ICAM5: variants seen among roughly 807,000 people sequenced by gnomAD.
ICAM5 encodes the protein ICAM-5.
A neutral mutation model predicts 78.8 loss-of-function variants in ICAM5; 38 were observed. The ratio of observed to expected loss-of-function variants is 0.48; its 90% CI spans 0.37 to 0.63. The LOEUF is 0.63. Ranked by LOEUF, ICAM5 falls within the 30% of genes least tolerant of loss-of-function variation. ICAM5 has a pLI of 0.00. For synonymous variants in ICAM5, 544 were observed against 590.9 expected, an observed-to-expected ratio of 0.92 and a Z score of 1.15; for missense variants, 1,059 against 1,303.0, an observed-to-expected ratio of 0.81 and a Z score of 2.88.
chr19:10,292,887 C>T (rs769725861), intron 5 of ICAM5, 21 bp downstream of exon 5: 4 of 1,607,084 alleles, frequency 2.5e-6, no homozygotes, highest in Middle Eastern at 1.7e-4. Flanking sequence ...GATAACCCCT[C>T]GCCCCCCACC....
At position 10,293,833 on chromosome 19, in the gene ICAM5, C is replaced by T; in HGVS notation, c.1601C>T (p.Ala534Val). The T allele has an allele frequency of 1.9e-6, 3 of 1,613,048 alleles. No individual in the cohort carries two copies. The highest frequency in any genetic ancestry group is 2.5e-6 in the Non-Finnish European group (3 of 1,180,000). ...TGCGTGCGCTCTGGAGAACTCGGGG[C>T]CGTCATCGAGGGGCTGTTGCGTGTG... The part of the protein sequence containing the change: ...VICVRSGELG[A>V]VIEGLLRVAR... The change falls in exon 7 of 11, where the codon GCC becomes GTC. Residue 534 changes from alanine to valine, a missense_variant. By Grantham distance (64) the Ala-to-Val change is moderately conservative. Around this residue, in one of 3 missense-constraint regions of ICAM5, gnomAD observed 815 missense variants for 952.8 expected, o/e 0.86. Transcript: ENST00000221980. The surrounding 1 kb of genome is among the most constrained non-coding windows in gnomAD (Gnocchi z 5.0).
In ICAM5 at chr19:10,294,224, C is replaced by G; in HGVS notation, c.1896C>G (p.Pro632=). The G allele has an allele frequency of 1.2e-6, 2 of 1,614,044 alleles. No individual in the cohort carries two copies. Among genetic ancestry groups the G allele is most frequent in the Non-Finnish European group, 1.7e-6 (2 of 1,180,020 alleles). The change falls in exon 8 of 11, where the codon CCC becomes CCG. Residue 632 remains proline (P), a synonymous_variant. Transcript: ENST00000221980. This position sits in a 1 kb window ranked among gnomAD's most constrained non-coding sequence, Gnocchi z 7.7. ...LAPPDPSPRA[P]RIPRVLAPGI... Reference sequence around the variant, plus strand: ...CCCCAGACCCTAGTCCCAGAGCTCCCAGAATCCCTAGAGTCCTGGCACCCG... The same window carrying G: ...CCCCAGACCCTAGTCCCAGAGCTCCGAGAATCCCTAGAGTCCTGGCACCCG...
rs1401007629 is a variant in ICAM5 at position 10,290,888 on chromosome 19, G to A, written c.83-184G>A. The A allele has an allele frequency of 7.0e-6, 5 of 718,906 alleles. No individual in the cohort carries two copies. Among genetic ancestry groups the A allele is most frequent in the Non-Finnish European group, 1.1e-5 (5 of 445,078 alleles). The allele number at this position is 718,906 out of a possible 1,614,324, so 44.5% of individuals were successfully genotyped here. Reference sequence around the variant, plus strand: ...ACCACGTCCCAGAGACACCCTCGAGGTTTAGACTCTGGGAGTGCGCCTTTA... The same window carrying A: ...ACCACGTCCCAGAGACACCCTCGAGATTTAGACTCTGGGAGTGCGCCTTTA... On this transcript the variant is annotated intron_variant, in intron 1 of 10. Coordinates refer to ENST00000221980, the MANE Select transcript of ICAM5 (RefSeq NM_003259.4). This position sits in a 1 kb window ranked among gnomAD's most constrained non-coding sequence, Gnocchi z 5.7.
In ICAM5 at chr19:10,294,918, G is replaced by A. The variant is rs547305295; in HGVS notation, c.2230+278G>A. On this transcript the variant is annotated intron_variant, in intron 9 of 10. Coordinates refer to ENST00000221980, the MANE Select transcript of ICAM5 (RefSeq NM_003259.4). The surrounding 1 kb of genome is among the most constrained non-coding windows in gnomAD (Gnocchi z 7.7). ...CCGTCTCTACAAAAATTAGCCGGTCGTGGTGGTGGGCGCCTGTGGTCCCAG... is the reference window on the plus strand; with the variant it reads ...CCGTCTCTACAAAAATTAGCCGGTCATGGTGGTGGGCGCCTGTGGTCCCAG... 1.1e-3 allele frequency among the ~76,000 whole-genome samples: 169 copies of A among 152,212 alleles called. No individual in the cohort carries two copies. Among genetic ancestry groups the A allele is most frequent in the Non-Finnish European group, 2.1e-3 (144 of 68,012 alleles).
rs2040184846 is a variant in ICAM5 at position 10,292,725 on chromosome 19, G to A, written c.1075G>A (p.Ala359Thr). 6.8e-6 allele frequency: 11 copies of A among 1,613,412 alleles called. No individual in the cohort carries two copies. Among genetic ancestry groups the A allele is most frequent in the Non-Finnish European group, 9.3e-6 (11 of 1,179,968 alleles). Residue 359 changes from alanine to threonine, a missense_variant, in exon 5 of 11, where the codon GCC (alanine) becomes ACC (threonine). By Grantham distance (58) the Ala-to-Thr change is moderately conservative. Around this residue, in one of 3 missense-constraint regions of ICAM5, gnomAD observed 815 missense variants for 952.8 expected, o/e 0.86. Transcript: ENST00000221980. ...QALVTLEGVP[A>T]AVPGQPAQLQ... The stretch of plus-strand genomic sequence containing the variant: ...TCTGGTCACACTGGAGGGAGTTCCA[G>A]CCGCGGTCCCGGGGCAGCCCGCCCA...
chr19:10,296,215 C>T (rs753982773), intron 10 of ICAM5, 124 bp from the exon 11 acceptor site: 1 of 1,000,946 alleles, frequency 1.0e-6, no homozygotes, highest in Non-Finnish European at 1.3e-6. Flanking sequence ...TCTCCCTTCT[C>T]CCAAGGCCAG....
chr19:10,291,978 T>A, intron 3 of ICAM5, 57 bp from the exon 4 acceptor site: 1 of 1,556,030 alleles, frequency 6.4e-7, no homozygotes, highest in Non-Finnish European at 8.8e-7. Context: ...GCATGTCAAG[T>A]GCTTAGGACA....
Position 10,291,568 on chromosome 19 carries a change from C to T in ICAM5, c.432C>T (p.Val144=). Residue 144 remains valine, a synonymous_variant, in exon 3 of 11, where the codon GTC becomes GTT. Transcript: ENST00000221980. The part of the protein sequence containing the change: ...VGENFTLSCR[V]PGAGPRASLT... ...AGAACTTCACCCTGAGCTGTAGGGTCCCCGGCGCCGGGCCCCGTGCGAGCC... is the reference window on the plus strand; with the variant it reads ...AGAACTTCACCCTGAGCTGTAGGGTTCCCGGCGCCGGGCCCCGTGCGAGCC... The T allele has an allele frequency of 1.2e-6, 2 of 1,612,486 alleles. No individual in the cohort carries two copies. Among genetic ancestry groups the T allele is most frequent in the South Asian group, 2.2e-5 (2 of 91,084 alleles).
rs1031417226 is a variant in ICAM5, at chr19:10,293,382, G to A, written c.1465+136G>A. 5.7e-6 allele frequency: 7 copies of A among 1,235,974 alleles called. No homozygotes were observed. The highest frequency in any genetic ancestry group is 3.0e-5 in the African/African-American group (2 of 66,422). 76.6% of individuals were successfully genotyped at this position (1,235,974 alleles called of 1,614,324 possible). ...TGGGAAAGGGAAGAGGCTGGTTAGT[G>A]GGGTTGGAGAAAGATCTTGGAGGAT... On this transcript the variant is annotated intron_variant, in intron 6 of 10. Transcript: ENST00000221980. This position sits in a 1 kb window ranked among gnomAD's most constrained non-coding sequence, Gnocchi z 5.0.
intron 10 of ICAM5, 22 bp from the exon 11 acceptor site, chr19:10,296,317 C>T (rs1488825850): frequency 8.1e-7 from 1 of 1,229,532 alleles, no homozygotes; most frequent in Middle Eastern, 3.2e-4. Context: ...GGCCACCCTC[C>T]GCGAGGGTCT....
chr19:10,295,010 T>C (rs1025925597), intron 9 of ICAM5, among the ~76,000 whole-genome samples: 1 of 151,920 alleles, frequency 6.6e-6, no homozygotes, highest in African/African-American at 2.4e-5. Flanking sequence ...GGAGCCGAGA[T>C]CCCGCCACTG....
In ICAM5 at chr19:10,292,154, G is replaced by A. The variant is rs1334321526; in HGVS notation, c.793G>A (p.Ala265Thr). The A allele has an allele frequency of 1.2e-6, 2 of 1,613,250 alleles. No homozygotes were observed. Among genetic ancestry groups the A allele is most frequent in the Admixed American group, 3.3e-5 (2 of 60,004 alleles). ...AGCCTCAGAGGCCAGGGTCTACCTC[G>A]CACTGGGGGACCAGAATCTGAGTCC... The part of the protein sequence containing the change: ...FPASEARVYL[A>T]LGDQNLSPDV... Residue 265 changes from alanine to threonine, a missense_variant, in exon 4 of 11, where the codon GCA becomes ACA. By Grantham distance (58) the Ala-to-Thr change is moderately conservative. Around this residue, in one of 3 missense-constraint regions of ICAM5, gnomAD observed 815 missense variants for 952.8 expected, o/e 0.86. Coordinates refer to ENST00000221980, the MANE Select transcript of ICAM5 (RefSeq NM_003259.4).
rs773768844 is a variant in ICAM5, at chr19:10,294,662, T to A, written c.2230+22T>A. The A allele has an allele frequency of 2.5e-6, 4 of 1,612,108 alleles. No individual in the cohort carries two copies. Among genetic ancestry groups the A allele is most frequent in the South Asian group, 1.1e-5 (1 of 91,044 alleles). On this transcript the variant is annotated intron_variant, in intron 9 of 10. Coordinates refer to ENST00000221980, the MANE Select transcript of ICAM5 (RefSeq NM_003259.4). This position sits in a 1 kb window ranked among gnomAD's most constrained non-coding sequence, Gnocchi z 7.7. ...GAATGTGAGTGGGGGCAGCACCGGA[T>A]GGAGGGGACACGGTCCTCGGAAGAA...
At position 10,295,485 on chromosome 19, in the gene ICAM5, C is replaced by T; in HGVS notation, c.2370C>T (p.Ile790=). The change falls in exon 10 of 11, where the codon ATC becomes ATT. Residue 790 remains isoleucine, a synonymous_variant. Transcript: ENST00000221980. ...GCGCGCCCCCGGGGGCCCTCAACAT[C>T]GGCCTGTCGAGCAACAACAGCACAC... ...SWRAPPGALN[I]GLSSNNSTLS... 1 of 1,576,078 alleles carries T rather than the reference C, an allele frequency of 6.3e-7. No individual in the cohort carries two copies. Among genetic ancestry groups the T allele is most frequent in the Non-Finnish European group, 8.6e-7 (1 of 1,163,146 alleles).
Position 10,294,328 on chromosome 19 carries a change from G to GC in ICAM5, c.1990+13dup. The GC allele has an allele frequency of 6.2e-7, 1 of 1,612,204 alleles. No homozygotes were observed. Among genetic ancestry groups the GC allele is most frequent in the Non-Finnish European group, 8.5e-7 (1 of 1,179,246 alleles). Reference sequence around the variant, plus strand: ...GTCGTGAGCGCGGAGTGTGAGCGAGGCCCAGGCGGGTAGGGAGCAGGGGTG... The same window carrying GC: ...GTCGTGAGCGCGGAGTGTGAGCGAGGCCCCAGGCGGGTAGGGAGCAGGGGTG... On this transcript the variant is annotated intron_variant, in intron 8 of 10. Coordinates refer to ENST00000221980, the MANE Select transcript of ICAM5 (RefSeq NM_003259.4). The surrounding 1 kb of genome is among the most constrained non-coding windows in gnomAD (Gnocchi z 7.7).
Position 10,294,306 on chromosome 19 carries a change from G to A in ICAM5, c.1978G>A (p.Val660Met). The part of the protein sequence containing the change: ...RHGSVAKTVV[V>M]SAESPPEMDE... ...CGGCTCCGTGGCCAAAACAGTCGTCGTGAGCGCGGAGTGTGAGCGAGGCCC... is the reference window on the plus strand; with the variant it reads ...CGGCTCCGTGGCCAAAACAGTCGTCATGAGCGCGGAGTGTGAGCGAGGCCC... Residue 660 changes from valine to methionine, a missense_variant, in exon 8 of 11, where the codon GTG becomes ATG. Val to Met is a conservative substitution (Grantham distance 21). Coordinates refer to ENST00000221980, the MANE Select transcript of ICAM5 (RefSeq NM_003259.4). The surrounding 1 kb of genome is among the most constrained non-coding windows in gnomAD (Gnocchi z 7.7). 6.2e-7 allele frequency: 1 copy of A among 1,613,036 alleles called. No individual in the cohort carries two copies.
intron 9 of ICAM5, among the ~76,000 whole-genome samples, 157 bp from the exon 10 acceptor site, chr19:10,295,189 C>T (rs10402760): frequency 0.11 from 16,982 of 152,166 alleles, 1,398 homozygotes; most frequent in African/African-American, 0.23. Context: ...GCAACAGCAG[C>T]CTGATTGTCG....
chr19:10,296,596 A>C lies in ICAM5; in HGVS notation c.2755A>C (p.Ile919Leu). 1 of 1,214,652 alleles carries C rather than the reference A, an allele frequency of 8.2e-7. No individual in the cohort carries two copies. Among genetic ancestry groups the C allele is most frequent in the Non-Finnish European group, 1.0e-6 (1 of 971,126 alleles). 75.2% of individuals were successfully genotyped at this position (1,214,652 alleles called of 1,614,324 possible). A position where few individuals can be genotyped will look rare whatever the true frequency, so the allele number is the denominator to read the frequency against. ...ESPAEGEVFA[I>L]QLTSA ...GCCGGCGGAGGGCGAGGTCTTCGCC[A>C]TACAGCTGACATCGGCGTGAGCCCG... Residue 919 changes from isoleucine to leucine, a missense_variant, in exon 11 of 11, where the codon ATA becomes CTA. Around this residue, in one of 3 missense-constraint regions of ICAM5, gnomAD observed 109 missense variants for 120.0 expected, o/e 0.91. Coordinates refer to ENST00000221980, the MANE Select transcript of ICAM5 (RefSeq NM_003259.4).
At position 10,290,878 on chromosome 19, in the gene ICAM5, C is replaced by A; in HGVS notation, c.83-194C>A. 1 of 675,842 alleles carries A rather than the reference C, an allele frequency of 1.5e-6. No individual in the cohort carries two copies. The highest frequency in any genetic ancestry group is 2.5e-6 in the Non-Finnish European group (1 of 407,284). 41.9% of individuals were successfully genotyped at this position (675,842 alleles called of 1,614,324 possible). A position where few individuals can be genotyped will look rare whatever the true frequency, so the allele number is the denominator to read the frequency against. ...GCTCTCTGCTACCACGTCCCAGAGA[C>A]ACCCTCGAGGTTTAGACTCTGGGAG... is the stretch of plus-strand genomic sequence containing the variant. On this transcript the variant is annotated intron_variant, in intron 1 of 10. Transcript: ENST00000221980. The surrounding 1 kb of genome is among the most constrained non-coding windows in gnomAD (Gnocchi z 5.7).
Sources: gnomAD v4.1 joint callset for allele counts (sites outside exome capture counted in the v4.1 genomes callset) on GRCh38, gnomAD v4.1.1 for gene constraint, gnomAD v4.1.1 regional missense constraint, Gnocchi (gnomAD v3.1) non-coding constraint, MANE v1.5 for transcripts, NCBI Gene and HGNC (gene_info 2026-07-23, HGNC 2026-07-21) for gene names.